Variants in IQCM observed in about 807,000 individuals in gnomAD.
The protein encoded by IQCM is IQ motif containing M, also known as IQ domain-containing protein M.
In IQCM, 45 loss-of-function variants were observed where a neutral mutation model predicts 57.6. That is an observed-to-expected ratio of 0.78 (90% confidence interval 0.62 to 1.00). The LOEUF (loss-of-function observed/expected upper bound fraction) is 1.00. Among genes scored for constraint, IQCM ranks in the 50% least tolerant of loss-of-function variants. The pLI, the probability that IQCM is intolerant of heterozygous loss-of-function variation, is 0.00. For missense variants in IQCM, 468 were observed against 511.6 expected (o/e 0.91, Z 0.82); for synonymous variants, 148 against 158.9 (o/e 0.93, Z 0.51).
chr4:149,676,970 C>A (rs1761803338), intron 7 of IQCM, among the ~76,000 whole-genome samples: 1 of 151,896 alleles, frequency 6.6e-6, no homozygotes, highest in South Asian at 2.1e-4. Context: ...CAAGTCAGTT[C>A]TTGGGGCCAC....
chr4:149,385,439 G>A (rs1474148384), intron 13 of IQCM, among the ~76,000 whole-genome samples: 1 of 152,022 alleles, frequency 6.6e-6, no homozygotes, highest in African/African-American at 2.4e-5. Flanking sequence ...GGTGACCCTT[G>A]AGCTCATGAA....
At chr4:149,633,415 G>T (rs931611555) in intron 7 of IQCM, among the ~76,000 whole-genome samples, 1 of 152,028 alleles carries the variant, frequency 6.6e-6, no homozygotes, top group African/African-American at 2.4e-5. Context: ...AGAGGATGAA[G>T]AAAATTCTGA....
At chr4:149,665,522 A>G (rs1382167846) in intron 7 of IQCM, among the ~76,000 whole-genome samples, 1 of 152,154 alleles carries the variant, frequency 6.6e-6, no homozygotes, top group Non-Finnish European at 1.5e-5. Context: ...GGTGCTATCC[A>G]GCAAACTTCC....
In IQCM at chr4:149,686,375, T is replaced by G. The variant is rs545296862; in HGVS notation, c.476+3A>C. ...TTCTATAGGTTAGCTAATTATACAT[T>G]ACCTGGACTCCTCAAAGTGCTGTTG... On this transcript the variant is annotated splice_donor_region_variant and intron_variant, in intron 6 of 13. Transcript: ENST00000636793. 1 of 1,184,052 alleles carries G rather than the reference T, an allele frequency of 8.4e-7. No homozygotes were observed. Among genetic ancestry groups the G allele is most frequent in the South Asian group, 4.3e-5 (1 of 23,406 alleles). 73.3% of individuals were successfully genotyped at this position (1,184,052 alleles called of 1,614,324 possible).
intron 13 of IQCM, among the ~76,000 whole-genome samples, chr4:149,383,264 A>G (rs1205180005): frequency 6.6e-6 from 1 of 152,156 alleles, no homozygotes; most frequent in Non-Finnish European, 1.5e-5. Context: ...TGGATATTCA[A>G]TATATTTTTG....
At chr4:149,681,850 C>G (rs1361995466) in intron 7 of IQCM, among the ~76,000 whole-genome samples, 2 of 151,094 alleles carry the variant, frequency 1.3e-5, no homozygotes, top group Non-Finnish European at 3.0e-5. Context: ...TGTAAATAAA[C>G]TTTTAAAATT....
At chr4:149,358,881 G>GTATATCATGATAT (rs1729254595) in intron 13 of IQCM, among the ~76,000 whole-genome samples, 3 of 81,046 alleles carry the variant, frequency 3.7e-5, no homozygotes, top group Admixed American at 2.3e-4. Context: ...TATATCATGA[G>GTATATCATGATAT]ACCACAGTGG....
chr4:149,448,218 T>C (rs1404106244), intron 12 of IQCM, among the ~76,000 whole-genome samples: 4 of 151,640 alleles, frequency 2.6e-5, no homozygotes, highest in Non-Finnish European at 5.9e-5. Context: ...AAAATCTATA[T>C]ATAGCTGAAA....
chr4:149,528,266 G>A (rs1254275663), intron 12 of IQCM, among the ~76,000 whole-genome samples: 16 of 152,036 alleles, frequency 1.1e-4, no homozygotes, highest in African/African-American at 2.4e-4. Context: ...GATTACAGGC[G>A]TGAGCCACCA....
intron 8 of IQCM, among the ~76,000 whole-genome samples, chr4:149,619,179 T>C (rs1305442933): frequency 6.7e-6 from 1 of 148,980 alleles, no homozygotes; most frequent in Non-Finnish European, 1.5e-5. Context: ...AATCATGTAT[T>C]TTGCAGCAAT....
At chr4:149,625,099 G>C (rs766856211) in intron 7 of IQCM, among the ~76,000 whole-genome samples, 3 of 152,212 alleles carry the variant, frequency 2.0e-5, no homozygotes, top group African/African-American at 7.2e-5. Context: ...TGGCAAACTA[G>C]AGTTGACAAA....
chr4:149,683,847 T>C (rs1762368746), intron 6 of IQCM, among the ~76,000 whole-genome samples: 1 of 151,266 alleles, frequency 6.6e-6, no homozygotes, highest in African/African-American at 2.4e-5. Context: ...TTCACACAAA[T>C]GTGAAATGCC....
intron 12 of IQCM, among the ~76,000 whole-genome samples, chr4:149,499,271 T>C (rs547401431): frequency 1.3e-5 from 2 of 152,272 alleles, no homozygotes; most frequent in South Asian, 2.1e-4. Context: ...CATATATTAC[T>C]CTTTAAGTTA....
At chr4:149,791,200 CAT>C (rs1477345235) in intron 2 of IQCM, among the ~76,000 whole-genome samples, 2 of 152,074 alleles carry the variant, frequency 1.3e-5, no homozygotes, top group Non-Finnish European at 2.9e-5. Flanking sequence ...GTAGATAACA[CAT>C]GTTTATTTGC....
At chr4:149,466,705 A>G (rs1738892152) in intron 12 of IQCM, among the ~76,000 whole-genome samples, 2 of 152,328 alleles carry the variant, frequency 1.3e-5, no homozygotes, top group Non-Finnish European at 2.9e-5. Context: ...ATTCAATTTA[A>G]TAACATATTG....
intron 13 of IQCM, among the ~76,000 whole-genome samples, chr4:149,414,420 C>T (rs1733601063): frequency 6.6e-6 from 1 of 152,090 alleles, no homozygotes; most frequent in Non-Finnish European, 1.5e-5. Flanking sequence ...GTCTGAATTT[C>T]AGTCTCTGAT....
intron 7 of IQCM, among the ~76,000 whole-genome samples, chr4:149,629,646 C>T (rs1258599405): frequency 6.6e-6 from 1 of 151,578 alleles, no homozygotes; most frequent in African/African-American, 2.4e-5. Context: ...CTGTATTTTC[C>T]AAATGTTTTG....
At chr4:149,722,824 G>GA (rs35346737) in intron 5 of IQCM, among the ~76,000 whole-genome samples, 1,555 of 151,400 alleles carry the variant, frequency 0.01, 11 homozygotes, top group Non-Finnish European at 0.016. Context: ...AATTCTGTGG[G>GA]AAAAAAAAGA....
intron 2 of IQCM, among the ~76,000 whole-genome samples, chr4:149,796,567 T>C (rs751746602): frequency 6.6e-6 from 1 of 152,122 alleles, no homozygotes; most frequent in African/African-American, 2.4e-5. Flanking sequence ...TGAGTGAACA[T>C]AGGCAGTAGC....
Sources: allele counts gnomAD v4.1 joint callset (sites outside exome capture counted in the v4.1 genomes callset), GRCh38; gene constraint gnomAD v4.1.1; transcripts MANE v1.5; gene names NCBI Gene and HGNC (gene_info 2026-07-23, HGNC 2026-07-21).